PCSK5: variants seen among roughly 807,000 people sequenced by gnomAD.
PCSK5 encodes the protein prohormone convertase 5.
In PCSK5, 129 loss-of-function variants were observed where a neutral mutation model predicts 233.2. That is an observed-to-expected ratio of 0.55 (90% confidence interval 0.48 to 0.64). The LOEUF is 0.64. Ranked by LOEUF, PCSK5 falls within the 30% of genes least tolerant of loss-of-function variation. The pLI is 0.00. For synonymous variants in PCSK5, 825 were observed against 879.2 expected (o/e 0.94, Z 1.09); for missense variants, 2,076 against 2,430.1 (o/e 0.85, Z 3.06).
At chr9:76,063,998 G>A (rs1226763742) in intron 5 of PCSK5, among the ~76,000 whole-genome samples, 4 of 82,042 alleles carry the variant, frequency 4.9e-5, no homozygotes, top group Admixed American at 1.0e-4. Context: ...GCGGCTGGCC[G>A]GGCGGGGGGC....
intron 3 of PCSK5, among the ~76,000 whole-genome samples, chr9:76,017,789 A>G (rs1005963194): frequency 5.3e-5 from 8 of 152,168 alleles, no homozygotes; most frequent in Non-Finnish European, 1.0e-4. Context: ...GAAGTCCATC[A>G]AATTGACTCA....
chr9:75,890,444 C>G (rs770732618), upstream of PCSK5, among the ~76,000 whole-genome samples: 1 of 152,078 alleles, frequency 6.6e-6, no homozygotes, highest in African/African-American at 2.4e-5. Context: ...GGGAGTAAAA[C>G]CACGATCTCG....
intron 3 of PCSK5, among the ~76,000 whole-genome samples, chr9:76,009,956 A>T (rs1285370319): frequency 6.6e-6 from 1 of 152,196 alleles, no homozygotes; most frequent in Non-Finnish European, 1.5e-5. Flanking sequence ...CAGTCACGGG[A>T]TGCATGTGCG....
At chr9:76,288,872 A>G (rs1320279002) in intron 24 of PCSK5, among the ~76,000 whole-genome samples, 2 of 152,216 alleles carry the variant, frequency 1.3e-5, no homozygotes, top group Non-Finnish European at 2.9e-5. Flanking sequence ...TCTTATAGGT[A>G]TGATGTGCAC....
chr9:76,282,020 T>C (rs1287878691), intron 24 of PCSK5, among the ~76,000 whole-genome samples: 1 of 151,334 alleles, frequency 6.6e-6, no homozygotes, highest in South Asian at 2.1e-4. Flanking sequence ...ATCTGGGCAA[T>C]GTAAATTGAA....
intron 2 of PCSK5, among the ~76,000 whole-genome samples, chr9:75,948,010 T>G (rs576767288): frequency 1.0e-3 from 151 of 151,456 alleles, no homozygotes; most frequent in African/African-American, 3.5e-3. Flanking sequence ...CCCACTTAAT[T>G]TTTTTTTTAA....
chr9:76,217,193 G>T (rs1411066870), intron 20 of PCSK5, among the ~76,000 whole-genome samples: 1 of 152,202 alleles, frequency 6.6e-6, no homozygotes, highest in Non-Finnish European at 1.5e-5. Context: ...CTGATATTAG[G>T]CAGGAGACAA....
intron 3 of PCSK5, among the ~76,000 whole-genome samples, chr9:76,016,937 T>C (rs1400009062): frequency 1.3e-5 from 2 of 151,566 alleles, no homozygotes; most frequent in African/African-American, 4.9e-5. Flanking sequence ...GATCACAGCC[T>C]TCTTCTCCCA....
At chr9:75,951,010 A>G (rs942783102) in intron 2 of PCSK5, among the ~76,000 whole-genome samples, 3 of 152,216 alleles carry the variant, frequency 2.0e-5, no homozygotes, top group Non-Finnish European at 4.4e-5. Context: ...AAATTTTGTA[A>G]GTAGTGTAGT....
In PCSK5 at chr9:76,188,675, G is replaced by C. The variant is rs1176916675; in HGVS notation, c.2380G>C (p.Gly794Arg). The C allele has an allele frequency of 6.2e-7, 1 of 1,609,862 alleles. No homozygotes were observed. The highest frequency in any genetic ancestry group is 8.5e-7 in the Non-Finnish European group (1 of 1,176,434). ...PCHRFCATCA[G>R]AGADGCINCT... ...CCACCGCTTCTGCGCCACTTGTGCT[G>C]GTACCTTCCCTAGTTCTTTTGTTTA... The change falls in exon 18 of 38, where the codon GGG (glycine) becomes CGG (arginine). Residue 794 changes from glycine to arginine, a missense_variant and splice_region_variant. Coordinates refer to ENST00000674117, the MANE Select transcript of PCSK5 (RefSeq NM_001372043.1).
intron 7 of PCSK5, among the ~76,000 whole-genome samples, chr9:76,077,516 A>G (rs1192894518): frequency 1.3e-5 from 2 of 152,094 alleles, no homozygotes; most frequent in Non-Finnish European, 2.9e-5. Flanking sequence ...GGTAGTGAGT[A>G]TAGTACCCAG....
intron 37 of PCSK5, 73 bp downstream of exon 37, chr9:76,354,292 G>T: frequency 8.0e-7 from 1 of 1,245,742 alleles, no homozygotes; most frequent in South Asian, 1.5e-5. Context: ...AGAGGGAGGG[G>T]GGGATGGAAA....
chr9:75,997,989 C>T (rs1327245596), intron 3 of PCSK5, among the ~76,000 whole-genome samples: 1 of 152,114 alleles, frequency 6.6e-6, no homozygotes, highest in Admixed American at 6.5e-5. Context: ...TCCAGACATT[C>T]AAAATTAGTG....
chr9:75,942,009 G>A (rs922123512), intron 2 of PCSK5, among the ~76,000 whole-genome samples: 3 of 152,218 alleles, frequency 2.0e-5, no homozygotes, highest in African/African-American at 7.2e-5. Flanking sequence ...ATTAGAGAGT[G>A]CTTGGCAGTA....
chr9:76,248,662 T>C (rs896663430), intron 24 of PCSK5, among the ~76,000 whole-genome samples: 1 of 152,176 alleles, frequency 6.6e-6, no homozygotes, highest in Non-Finnish European at 1.5e-5. Flanking sequence ...AATGAAGAGA[T>C]TTGCTGGTTA....
intron 24 of PCSK5, among the ~76,000 whole-genome samples, chr9:76,263,312 TA>T (rs1827236855): frequency 6.6e-6 from 1 of 152,208 alleles, no homozygotes; most frequent in African/African-American, 2.4e-5. Context: ...CATGCTGCTA[TA>T]AAGACACATG....
intron 9 of PCSK5, among the ~76,000 whole-genome samples, chr9:76,129,890 G>A (rs1375545213): frequency 6.6e-6 from 1 of 152,064 alleles, no homozygotes; most frequent in African/African-American, 2.4e-5. Context: ...TAGTGATAGT[G>A]TCATTAATTA....
Position 76,293,232 on chromosome 9 carries a change from C to G in PCSK5, c.3185+957C>G, listed in dbSNP as rs544969933. On this transcript the variant is annotated intron_variant, in intron 25 of 37. Transcript: ENST00000674117. ...ACCCACCTGTCCAAAAACAAATACA[C>G]TTGAAATGTGGTAATAGGTAAGAAA... Among the ~76,000 whole-genome samples the G allele has an allele frequency of 4.6e-5, 7 of 152,272 alleles. No individual in the cohort carries two copies. The East Asian group carries it at 9.7e-4, about 21-fold the overall frequency.
At chr9:76,239,852 A>G (rs552102476) in intron 23 of PCSK5, among the ~76,000 whole-genome samples, 87 of 152,306 alleles carry the variant, frequency 5.7e-4, no homozygotes, top group Non-Finnish European at 1.1e-3. Flanking sequence ...ACTAGACATG[A>G]GACCCTAGGC....
Sources: gnomAD v4.1 joint callset for allele counts (sites outside exome capture counted in the v4.1 genomes callset) on GRCh38, gnomAD v4.1.1 for gene constraint, MANE v1.5 for transcripts, NCBI Gene and HGNC (gene_info 2026-07-23, HGNC 2026-07-21) for gene names.